The following MDC1 variants were observed in gnomAD, a reference collection of about 807,000 sequenced individuals.
MDC1 encodes mediator of DNA damage checkpoint 1.
MDC1 carries 81 observed loss-of-function variants against 142.5 expected under a neutral mutation model. The observed-to-expected ratio is 0.57, with a 90% confidence interval of 0.47 to 0.68. The LOEUF (loss-of-function observed/expected upper bound fraction) is 0.68, where lower values mean the gene tolerates loss of function less well. Ranked by LOEUF, MDC1 falls within the 30% of genes least tolerant of loss-of-function variation. The pLI is 0.00. For missense variants in MDC1, 2,119 were observed against 2,547.9 expected, an observed-to-expected ratio of 0.83 and a Z score of 3.62; for synonymous variants, 797 against 968.4, an observed-to-expected ratio of 0.82 and a Z score of 3.29.
intron 5 of MDC1, 42 bp from the exon 6 acceptor site, chr6:30,711,768 T>C (rs1774940830): frequency 1.3e-6 from 2 of 1,594,510 alleles, no homozygotes; most frequent in African/African-American, 1.3e-5. Flanking sequence ...ACAAAAATCA[T>C]ACCTGACACT....
At position 30,711,968 on chromosome 6, in the gene MDC1, G is replaced by A. The variant is rs138559048; in HGVS notation, c.1974C>T (p.Ser658=). The A allele has an allele frequency of 3.2e-4, 505 of 1,581,366 alleles. No homozygotes were observed. The highest frequency in any genetic ancestry group is 4.2e-4 in the Non-Finnish European group (491 of 1,164,466). The change falls in exon 5 of 15, where the codon TCC becomes TCT. Residue 658 remains serine, a synonymous_variant. Coordinates refer to ENST00000376406, the MANE Select transcript of MDC1 (RefSeq NM_014641.3). ...GGGCTCCCTCTCTCTGTGGCTGGGT[G>A]GATTCCCCTAGAGTGTCTGTGTCCA... ...LVVDTDTLGE[S]TQPQREGAQV... is the part of the protein sequence containing the mutation.
Position 30,714,599 on chromosome 6 carries a change from A to G in MDC1, c.137-416T>C, listed in dbSNP as rs571290088. Among the ~76,000 whole-genome samples the G allele has an allele frequency of 2.0e-5, 3 of 151,632 alleles. No individual in the cohort carries two copies. The East Asian group carries it at 5.8e-4, about 29-fold the overall frequency. On this transcript the variant is annotated intron_variant, in intron 2 of 14. Coordinates refer to ENST00000376406, the MANE Select transcript of MDC1 (RefSeq NM_014641.3). ...TGATCATAGATCAGTGCAATCTTGA[A>G]CTCTTGGGTTCAAGTGATCATCTGG...
At position 30,703,738 on chromosome 6, in the gene MDC1, T is replaced by A. The variant is rs773272523; in HGVS notation, c.5445A>T (p.Leu1815Phe). 6.5e-7 allele frequency: 1 copy of A among 1,544,718 alleles called. No homozygotes were observed. The change falls in exon 10 of 15, where the codon TTA becomes TTT. Residue 1815 changes from leucine to phenylalanine, a missense_variant. Transcript: ENST00000376406. This position sits in a 1 kb window ranked among gnomAD's most constrained non-coding sequence, Gnocchi z 4.4. ...PKASQSRKRS[L>F]ATMDSPPHQK... Reference sequence around the variant, plus strand: ...GATGTGGTGGTGAATCCATGGTAGCTAAAGACCTCTTGCGGCTTTGAGAGG... The same window carrying A: ...GATGTGGTGGTGAATCCATGGTAGCAAAAGACCTCTTGCGGCTTTGAGAGG...
Position 30,703,550 on chromosome 6 carries a change from A to AAAATCTTGGTGGGAGTTTC in MDC1, c.5563-32_5563-14dup. On this transcript the variant is annotated splice_polypyrimidine_tract_variant and intron_variant, in intron 10 of 14. Coordinates refer to ENST00000376406, the MANE Select transcript of MDC1 (RefSeq NM_014641.3). This position sits in a 1 kb window ranked among gnomAD's most constrained non-coding sequence, Gnocchi z 4.4. ...GAGTCACGACATCCTGAGATTGAGAAAAATCTTGGTGGGAGTTTCAGAGCC... is the reference window on the plus strand; with the variant it reads ...GAGTCACGACATCCTGAGATTGAGAAAAATCTTGGTGGGAGTTTCAAATCTTGGTGGGAGTTTCAGAGCC... The AAAATCTTGGTGGGAGTTTC allele has an allele frequency of 6.2e-7, 1 of 1,612,988 alleles. No individual in the cohort carries two copies. Among genetic ancestry groups the AAAATCTTGGTGGGAGTTTC allele is most frequent in the Non-Finnish European group, 8.5e-7 (1 of 1,180,028 alleles).
chr6:30,713,924 G>C lies in MDC1; in HGVS notation c.396C>G (p.Arg132=). 1 of 1,613,388 alleles carries C rather than the reference G, an allele frequency of 6.2e-7. No homozygotes were observed. Residue 132 remains arginine, a synonymous_variant, in exon 3 of 15, where the codon CGC becomes CGG. Coordinates refer to ENST00000376406, the MANE Select transcript of MDC1 (RefSeq NM_014641.3). The surrounding 1 kb of genome is among the most constrained non-coding windows in gnomAD (Gnocchi z 4.9). ...AGACAAAGGGCAGAGAGACATCCAG[G>C]CGATGGTACTGGCAGAGCAAGTCAG... is the stretch of plus-strand genomic sequence containing the variant. ...LFADLLCQYH[R]LDVSLPFVSR...
Position 30,715,939 on chromosome 6 carries a change from T to A in MDC1, c.-3-761A>T, listed in dbSNP as rs941099812. ...ATATAAGGTTAAGACTTGCCCCAAA[T>A]CACTCAGATGTCTCTCCTCTAAAAT... is the stretch of plus-strand genomic sequence containing the variant. On this transcript the variant is annotated intron_variant, in intron 1 of 14. Coordinates refer to ENST00000376406, the MANE Select transcript of MDC1 (RefSeq NM_014641.3). The surrounding 1 kb of genome is among the most constrained non-coding windows in gnomAD (Gnocchi z 4.1). Among the ~76,000 whole-genome samples, 4 of 152,150 alleles carry A rather than the reference T, an allele frequency of 2.6e-5. No homozygotes were observed. The highest frequency in any genetic ancestry group is 7.2e-5 in the African/African-American group (3 of 41,428).
Position 30,705,299 on chromosome 6 carries a change from G to C in MDC1, c.3884C>G (p.Thr1295Ser). ...GGGGGTGACAGGTCGGTCTGTGGAG[G>C]TGGAAGGCCGGAGCTCAGGGGCTGT... ...VPTAPELRPS[T>S]STDRPVTPKP... The change falls in exon 10 of 15, where the codon ACC becomes AGC. Residue 1295 changes from threonine (T) to serine (S), a missense_variant. Physicochemically the swap from Thr to Ser is moderately conservative, Grantham distance 58. Coordinates refer to ENST00000376406, the MANE Select transcript of MDC1 (RefSeq NM_014641.3). 6.2e-7 allele frequency: 1 copy of C among 1,603,418 alleles called. No individual in the cohort carries two copies. Among genetic ancestry groups the C allele is most frequent in the South Asian group, 1.1e-5 (1 of 89,850 alleles).
intron 7 of MDC1, 37 bp from the exon 8 acceptor site, chr6:30,708,394 G>C: frequency 6.5e-7 from 1 of 1,543,244 alleles, no homozygotes; most frequent in Non-Finnish European, 8.8e-7. Context: ...AGAGGGAGAG[G>C]GAGAGAAAAG....
chr6:30,701,606 G>A (rs1354918477), intron 14 of MDC1, among the ~76,000 whole-genome samples: 1 of 152,144 alleles, frequency 6.6e-6, no homozygotes, highest in Non-Finnish European at 1.5e-5. Context: ...AAAGCTGGGT[G>A]GGTTAAGGGA....
Position 30,707,415 on chromosome 6 carries a change from G to C in MDC1, c.3053C>G (p.Ser1018Cys). Reference protein sequence around the residue: ...NCKMPPAEKASRIRAAEKVSR... With the variant: ...NCKMPPAEKACRIRAAEKVSR... ...AACCTTCTCAGCAGCTCTGATCCTG[G>C]AAGCCTTCTCAGCAGGTGGCATCTT... Residue 1018 changes from serine (S) to cysteine (C), a missense_variant, in exon 9 of 15, where the codon TCC (serine) becomes TGC (cysteine). Ser to Cys is a moderately radical substitution (Grantham distance 112). Transcript: ENST00000376406. 6.2e-7 allele frequency: 1 copy of C among 1,613,106 alleles called. No individual in the cohort carries two copies. The highest frequency in any genetic ancestry group is 8.5e-7 in the Non-Finnish European group (1 of 1,180,030).
rs1250950673 is a variant in MDC1 at position 30,702,850 on chromosome 6, G to A, written c.5893C>T (p.Pro1965Ser). 6.2e-7 allele frequency: 1 copy of A among 1,613,078 alleles called. No homozygotes were observed. The highest frequency in any genetic ancestry group is 8.5e-7 in the Non-Finnish European group (1 of 1,180,026). Residue 1965 changes from proline (P) to serine (S), a missense_variant, in exon 13 of 15, where the codon CCG becomes TCG. Pro to Ser is a moderately conservative substitution (Grantham distance 74). Coordinates refer to ENST00000376406, the MANE Select transcript of MDC1 (RefSeq NM_014641.3). ...GGGTCGGTCACCACATATTCATCCG[G>A]GGGTAAGAAGAAACCAGCCTTGCGG... is the stretch of plus-strand genomic sequence containing the variant. ...QSRKAGFFLP[P>S]DEYVVTDPEQ...
Position 30,708,113 on chromosome 6 carries a change from C to A in MDC1, c.2466G>T (p.Glu822Asp). The A allele has an allele frequency of 6.2e-7, 1 of 1,613,148 alleles. No individual in the cohort carries two copies. Among genetic ancestry groups the A allele is most frequent in the African/African-American group, 1.3e-5 (1 of 75,058 alleles). ...KVMGIPKETA[E>D]RVGPERGPLE... ...ATGGCCCTCTCTCAGGGCCCACCCTCTCTGCTGTTTCTTTTGGTATACCCA... is the reference window on the plus strand; with the variant it reads ...ATGGCCCTCTCTCAGGGCCCACCCTATCTGCTGTTTCTTTTGGTATACCCA... Residue 822 changes from glutamate to aspartate, a missense_variant, in exon 8 of 15, where the codon GAG becomes GAT. Glu to Asp is a conservative substitution (Grantham distance 45). Transcript: ENST00000376406.
In MDC1 at chr6:30,705,662, G is replaced by A. The variant is rs752452133; in HGVS notation, c.3521C>T (p.Thr1174Ile). The change falls in exon 10 of 15, where the codon ACA (threonine) becomes ATA (isoleucine). Residue 1174 changes from threonine (T) to isoleucine (I), a missense_variant. Physicochemically the swap from Thr to Ile is moderately conservative, Grantham distance 89 (BLOSUM62 -1). Coordinates refer to ENST00000376406, the MANE Select transcript of MDC1 (RefSeq NM_014641.3). Reference sequence around the variant, plus strand: ...GGGCTCAGAGGTGACAGGCTGGTCTGTGGAGGTGGAAGGCTGGAGCTCAGG... The same window carrying A: ...GGGCTCAGAGGTGACAGGCTGGTCTATGGAGGTGGAAGGCTGGAGCTCAGG... ...TAPELQPSTSTDQPVTSEPTS... is the reference protein window; with the variant it reads ...TAPELQPSTSIDQPVTSEPTS... 1.9e-6 allele frequency: 3 copies of A among 1,612,132 alleles called. No individual in the cohort carries two copies. In the South Asian group the frequency reaches 3.3e-5, roughly 18 times the overall value.
In MDC1 at chr6:30,706,600, G is replaced by C. The variant is rs191657382; in HGVS notation, c.3085-502C>G. Among the ~76,000 whole-genome samples, 757 of 141,030 alleles carry C rather than the reference G, an allele frequency of 5.4e-3. 7 individuals carry two copies. Among genetic ancestry groups the C allele is most frequent in the Middle Eastern group, 0.02 (5 of 256 alleles). 92.5% of individuals were successfully genotyped at this position (141,030 alleles called of 152,430 possible). On this transcript the variant is annotated intron_variant, in intron 9 of 14. Transcript: ENST00000376406. ...TGGTGCCACTGCACTCCAGCCTGGG[G>C]GACAGAGCAAGACTCTGTCTAAAAA...
chr6:30,711,879 T>C lies in MDC1; in HGVS notation c.2063A>G (p.Tyr688Cys), dbSNP rs749235758. 3.9e-6 allele frequency: 6 copies of C among 1,532,022 alleles called. No individual in the cohort carries two copies. Among genetic ancestry groups the C allele is most frequent in the Middle Eastern group, 1.8e-4 (1 of 5,660 alleles). 94.9% of individuals were successfully genotyped at this position (1,532,022 alleles called of 1,614,324 possible). The change falls in exon 5 of 15, where the codon TAT (tyrosine) becomes TGT (cysteine). Residue 688 changes from tyrosine (Y) to cysteine (C), a missense_variant. Coordinates refer to ENST00000376406, the MANE Select transcript of MDC1 (RefSeq NM_014641.3). Reference sequence around the variant, plus strand: ...GAAGGAAGGCCAGCACTTACCACCATAGTTGTCTTCAGAGTCCTTGGTCCC... The same window carrying C: ...GAAGGAAGGCCAGCACTTACCACCACAGTTGTCTTCAGAGTCCTTGGTCCC... The part of the protein sequence containing the change: ...VGGTKDSEDN[Y>C]GDSEDLDLQA...
Position 30,713,219 on chromosome 6 carries a change from G to C in MDC1, c.723C>G (p.Ala241=). The part of the protein sequence containing the change: ...EEASSAARRG[A]TVEAKQSEAE... ...CTTCAGACTGCTTTGCCTCTACAGT[G>C]GCACCTCTTCTGGCAGCTGAGGAGG... is the stretch of plus-strand genomic sequence containing the variant. Residue 241 remains alanine (A), a synonymous_variant, in exon 5 of 15, where the codon GCC becomes GCG. Coordinates refer to ENST00000376406, the MANE Select transcript of MDC1 (RefSeq NM_014641.3). The surrounding 1 kb of genome is among the most constrained non-coding windows in gnomAD (Gnocchi z 4.9). 6.2e-7 allele frequency: 1 copy of C among 1,613,096 alleles called. No homozygotes were observed. The highest frequency in any genetic ancestry group is 8.5e-7 in the Non-Finnish European group (1 of 1,180,016).
At chr6:30,717,216 G>C (rs1775764991) in intron 1 of MDC1, 29 bp downstream of exon 1, 1 of 152,232 alleles carries the variant, frequency 6.6e-6, no homozygotes, top group South Asian at 2.1e-4. Context: ...GGCTCCCGGG[G>C]AGCCGTGGGC....
intron 14 of MDC1, among the ~76,000 whole-genome samples, chr6:30,702,256 CA>C (rs57764077): frequency 0.1 from 5,894 of 58,720 alleles, 87 homozygotes; most frequent in Middle Eastern, 0.17. Flanking sequence ...GACTCCATCT[CA>C]AAAAAAAAAA....
rs1171593940 is a variant in MDC1, at chr6:30,704,781, CA to C, written c.4401del (p.Glu1468SerfsTer107). 6.2e-7 allele frequency: 1 copy of C among 1,611,484 alleles called. No individual in the cohort carries two copies. Among genetic ancestry groups the C allele is most frequent in the African/African-American group, 1.3e-5 (1 of 74,168 alleles). Reference sequence around the variant, plus strand: ...CCCCTAGTAGCCTGAGACGTAGGCTCAGGGGTAACAGGCTGGTCTGTGGAGG... The same window carrying C: ...CCCCTAGTAGCCTGAGACGTAGGCTCGGGGTAACAGGCTGGTCTGTGGAGG... ...PSTSTDQPVT[P>X]EPTSQATRGR... On this transcript the variant is annotated frameshift_variant, in exon 10 of 15. Coordinates refer to ENST00000376406, the MANE Select transcript of MDC1 (RefSeq NM_014641.3). LOFTEE classifies it high-confidence loss of function.
Sources: allele counts gnomAD v4.1 joint callset (sites outside exome capture counted in the v4.1 genomes callset), GRCh38; gene constraint gnomAD v4.1.1; non-coding constraint Gnocchi (gnomAD v3.1); transcripts MANE v1.5; gene names NCBI Gene and HGNC (gene_info 2026-07-23, HGNC 2026-07-21).